EIF4B: variants seen among roughly 807,000 people sequenced by gnomAD.
EIF4B encodes the protein eukaryotic translation initiation factor 4B.
EIF4B carries 8 observed loss-of-function variants against 79.3 expected under a neutral mutation model. That is an observed-to-expected ratio of 0.10 (90% CI 0.06 to 0.18). The LOEUF is 0.18. Ranked by LOEUF, EIF4B falls within the 10% of genes least tolerant of loss-of-function variation. The pLI, the probability that EIF4B is intolerant of heterozygous loss-of-function variation, is 1.00. For synonymous variants in EIF4B, 238 were observed against 274.7 expected, an observed-to-expected ratio of 0.87 and a Z score of 1.32; for missense variants, 515 against 792.4, an observed-to-expected ratio of 0.65 and a Z score of 4.20.
chr12:53,033,602 A>G (rs574710364), intron 8 of EIF4B, among the ~76,000 whole-genome samples: 1 of 152,138 alleles, frequency 6.6e-6, no homozygotes, highest in Non-Finnish European at 1.5e-5. Flanking sequence ...CGGCCTCCCA[A>G]AGTGCTGGGA....
chr12:53,022,703 A>G, intron 6 of EIF4B, 76 bp downstream of exon 6: 3 of 1,523,290 alleles, frequency 2.0e-6, no homozygotes, highest in Non-Finnish European at 2.7e-6. Context: ...TGTGTTACAG[A>G]TGATCAGATC....
Position 53,016,456 on chromosome 12 carries a change from C to G in EIF4B, c.14-17C>G. 6.2e-7 allele frequency: 1 copy of G among 1,611,932 alleles called. No homozygotes were observed. The highest frequency in any genetic ancestry group is 8.5e-7 in the Non-Finnish European group (1 of 1,179,788). ...CTGAGTATTGGTGAATAATCTTTCT[C>G]TTGCCTTTTAAAACAGCAAAAAAGA... On this transcript the variant is annotated splice_polypyrimidine_tract_variant and intron_variant, in intron 1 of 14. Transcript: ENST00000262056.
chr12:53,021,728 G>A, intron 4 of EIF4B, 78 bp from the exon 5 acceptor site: 1 of 1,521,166 alleles, frequency 6.6e-7, no homozygotes, highest in South Asian at 1.1e-5. Flanking sequence ...CTTCTGCTAT[G>A]CCCAGACGTT....
Position 53,014,157 on chromosome 12 carries a change from C to T in EIF4B, c.14-2316C>T, listed in dbSNP as rs146485004. On this transcript the variant is annotated intron_variant, in intron 1 of 14. Coordinates refer to ENST00000262056, the MANE Select transcript of EIF4B (RefSeq NM_001417.7). ...AAGAAAAAAGAAAAAGCAGGCCGGG[C>T]GCGTTGGCTCACGTCTGTAATCCCA... 7.1e-3 allele frequency among the ~76,000 whole-genome samples: 1,069 copies of T among 151,250 alleles called. 14 individuals are homozygous for T. Among genetic ancestry groups the T allele is most frequent in the African/African-American group, 0.024 (1,008 of 41,186 alleles).
At position 53,040,247 on chromosome 12, in the gene EIF4B, C is replaced by T. The variant is rs1943610889; in HGVS notation, c.*24C>T. 3.1e-6 allele frequency: 5 copies of T among 1,590,262 alleles called. No individual in the cohort carries two copies. Among genetic ancestry groups the T allele is most frequent in the Non-Finnish European group, 4.3e-6 (5 of 1,159,632 alleles). ...AGACCTCTACATCCTGTGCTTTTCT[C>T]CTAGTTTCTCTCCACCCTGGAACAT... On this transcript the variant is annotated 3_prime_UTR_variant, in exon 15 of 15. Coordinates refer to ENST00000262056, the MANE Select transcript of EIF4B (RefSeq NM_001417.7).
intron 2 of EIF4B, among the ~76,000 whole-genome samples, chr12:53,017,887 G>A (rs1038490024): frequency 4.6e-5 from 7 of 152,136 alleles, no homozygotes; most frequent in Non-Finnish European, 8.8e-5. Flanking sequence ...CACTGCACCC[G>A]GCCAAAACAG....
intron 1 of EIF4B, among the ~76,000 whole-genome samples, chr12:53,007,412 AT>A (rs1352090038): frequency 3.2e-5 from 4 of 125,528 alleles, no homozygotes; most frequent in Non-Finnish European, 4.7e-5. Context: ...CCAATGGTAG[AT>A]TTCAGCCTTT....
intron 1 of EIF4B, among the ~76,000 whole-genome samples, chr12:53,012,814 G>T (rs1263735524): frequency 6.6e-6 from 1 of 151,784 alleles, no homozygotes; most frequent in African/African-American, 2.4e-5. Flanking sequence ...CACCATGTTA[G>T]CCAGGATGGT....
At chr12:53,021,636 A>T in intron 4 of EIF4B, 170 bp from the exon 5 acceptor site, 1 of 739,200 alleles carries the variant, frequency 1.4e-6, no homozygotes, top group Non-Finnish European at 2.4e-6. Flanking sequence ...TTAACTTTTA[A>T]GTCTTTTAAA....
intron 8 of EIF4B, among the ~76,000 whole-genome samples, chr12:53,032,933 A>AG (rs1592226230): frequency 6.6e-6 from 1 of 152,078 alleles, no homozygotes. Context: ...AGCCCCCCAA[A>AG]GTGCTGGGAT....
intron 1 of EIF4B, among the ~76,000 whole-genome samples, chr12:53,015,665 A>C (rs1287591334): frequency 7.3e-6 from 1 of 137,828 alleles, no homozygotes; most frequent in Non-Finnish European, 1.6e-5. Context: ...TGGACAACAG[A>C]GCAAGACCCT....
intron 1 of EIF4B, among the ~76,000 whole-genome samples, chr12:53,011,256 G>T (rs764073567): frequency 2.6e-5 from 4 of 152,184 alleles, no homozygotes; most frequent in Non-Finnish European, 4.4e-5. Context: ...GACAGAGCAA[G>T]ACCCTGTATG....
intron 1 of EIF4B, 89 bp downstream of exon 1, chr12:53,006,585 C>T (rs1942964125): frequency 1.2e-6 from 2 of 1,604,762 alleles, no homozygotes; most frequent in Non-Finnish European, 8.5e-7. Context: ...CGGGGAATTG[C>T]TGGCACTGGT....
intron 2 of EIF4B, among the ~76,000 whole-genome samples, chr12:53,017,660 C>T (rs1022203132): frequency 5.3e-5 from 8 of 152,200 alleles, no homozygotes; most frequent in Non-Finnish European, 1.0e-4. Context: ...GTGGCGCACT[C>T]TCTGCTCACT....
chr12:53,038,144 C>G, intron 11 of EIF4B: 1 of 402,852 alleles, frequency 2.5e-6, no homozygotes, highest in Admixed American at 4.3e-5. Flanking sequence ...CAATACTAAT[C>G]CTGCATGATG....
In EIF4B at chr12:53,018,813, A is replaced by T; in HGVS notation, c.167A>T (p.His56Leu). 6.2e-7 allele frequency: 1 copy of T among 1,612,706 alleles called. No homozygotes were observed. The highest frequency in any genetic ancestry group is 8.5e-7 in the Non-Finnish European group (1 of 1,179,836). ...TCTATCCTAGTTTCGACCACTTGGC[A>T]CAGTAACGATGACGATGTGTATAGG... ...DLEGDVSTTW[H>L]SNDDDVYRAP... Residue 56 changes from histidine (H) to leucine (L), a missense_variant, in exon 3 of 15, where the codon CAC (histidine) becomes CTC (leucine). By Grantham distance (99) the His-to-Leu change is moderately conservative. Coordinates refer to ENST00000262056, the MANE Select transcript of EIF4B (RefSeq NM_001417.7).
chr12:53,018,815 A>G lies in EIF4B; in HGVS notation c.169A>G (p.Ser57Gly). Reference sequence around the variant, plus strand: ...TATCCTAGTTTCGACCACTTGGCACAGTAACGATGACGATGTGTATAGGGC... The same window carrying G: ...TATCCTAGTTTCGACCACTTGGCACGGTAACGATGACGATGTGTATAGGGC... ...LEGDVSTTWH[S>G]NDDDVYRAPP... The change falls in exon 3 of 15, where the codon AGT becomes GGT. Residue 57 changes from serine (S) to glycine (G), a missense_variant. This residue lies in a region of EIF4B where 105 missense variants were observed against 177.2 expected (regional missense o/e 0.59). Coordinates refer to ENST00000262056, the MANE Select transcript of EIF4B (RefSeq NM_001417.7). 6.2e-7 allele frequency: 1 copy of G among 1,612,848 alleles called. No homozygotes were observed.
chr12:53,022,163 T>C, intron 5 of EIF4B: 1 of 659,552 alleles, frequency 1.5e-6, no homozygotes, highest in African/African-American at 1.8e-5. Context: ...GAAGACTGAT[T>C]GATCTAGATG....
chr12:53,012,054 C>T (rs893388765), intron 1 of EIF4B: 10 of 152,146 alleles, frequency 6.6e-5, no homozygotes, highest in African/African-American at 2.4e-4. Context: ...GAGCAAAGGG[C>T]ATGGAGGATT....
Sources: allele counts gnomAD v4.1 joint callset (sites outside exome capture counted in the v4.1 genomes callset), GRCh38; gene constraint gnomAD v4.1.1; regional missense constraint gnomAD v4.1.1; transcripts MANE v1.5; gene names NCBI Gene and HGNC (gene_info 2026-07-23, HGNC 2026-07-21).